Variants in LRCH2 observed in about 807,000 individuals in gnomAD.
LRCH2 encodes leucine-rich repeat and calponin homology domain-containing protein 2.
In LRCH2, 38 loss-of-function variants were observed where a neutral mutation model predicts 68.9. That is an observed-to-expected ratio of 0.55 (90% CI 0.43 to 0.72). The LOEUF is 0.72. LRCH2 is among the 30% of genes least tolerant of loss of function. The probability of loss-of-function intolerance (pLI) is 0.00; values close to 1 mark genes in which losing one functional copy is unlikely to be tolerated. For missense variants in LRCH2, 528 were observed against 572.9 expected, an observed-to-expected ratio of 0.92 and a Z score of 0.80; for synonymous variants, 191 against 208.1, an observed-to-expected ratio of 0.92 and a Z score of 0.71.
intron 14 of LRCH2, among the ~76,000 whole-genome samples, chrX:115,135,114 TTTTC>T (rs1273011641): frequency 2.1e-3 from 221 of 105,717 alleles, no homozygotes; most frequent in Non-Finnish European, 3.5e-3. Context: ...TTTCCTTTTC[TTTTC>T]TTTCTTTTTT....
chrX:115,125,664 T>G (rs2072193779), intron 16 of LRCH2, among the ~76,000 whole-genome samples: 1 of 95,329 alleles, frequency 1.0e-5, no homozygotes, highest in African/African-American at 3.8e-5. Flanking sequence ...CGTATATATA[T>G]ACGTATATAT....
chrX:115,164,212 T>C (rs2072541206), intron 10 of LRCH2, among the ~76,000 whole-genome samples: 1 of 111,718 alleles, frequency 9.0e-6, no homozygotes, highest in Non-Finnish European at 1.9e-5. Context: ...TGATTTTGAT[T>C]TTAAAAATCT....
chrX:115,156,172 A>G (rs2072473310), intron 12 of LRCH2, among the ~76,000 whole-genome samples: 1 of 111,798 alleles, frequency 8.9e-6, no homozygotes, highest in South Asian at 3.7e-4. Context: ...AGAAACTTTC[A>G]AGGTCTTCTA....
intron 11 of LRCH2, 60 bp from the exon 12 acceptor site, chrX:115,156,727 TA>T (rs1178631671): frequency 7.3e-5 from 53 of 726,197 alleles, no homozygotes; most frequent in East Asian, 6.5e-4. Context: ...TCACATGATA[TA>T]AAAAAAATCT....
chrX:115,182,306 T>C (rs1370292383), intron 3 of LRCH2, among the ~76,000 whole-genome samples: 1 of 111,807 alleles, frequency 8.9e-6, no homozygotes, highest in Non-Finnish European at 1.9e-5. Context: ...TCTTAAATTA[T>C]AACCTTTATA....
chrX:115,229,076 T>C (rs1200537137), intron 1 of LRCH2, among the ~76,000 whole-genome samples: 1 of 111,539 alleles, frequency 9.0e-6, no homozygotes, highest in Non-Finnish European at 1.9e-5. Context: ...GAATCTATTC[T>C]AAAACCATAA....
chrX:115,230,977 T>C (rs899307553), intron 1 of LRCH2, among the ~76,000 whole-genome samples: 16 of 110,951 alleles, frequency 1.4e-4, no homozygotes, highest in African/African-American at 5.2e-4. Flanking sequence ...AAAATCTCCC[T>C]TGCAATTGTA....
intron 1 of LRCH2, among the ~76,000 whole-genome samples, chrX:115,203,158 C>A (rs1416121733): frequency 3.6e-5 from 4 of 111,444 alleles, no homozygotes; most frequent in African/African-American, 1.3e-4. Flanking sequence ...GCAGGCAGGG[C>A]AGGGGAACTG....
At chrX:115,229,726 A>G (rs1051627721) in intron 1 of LRCH2, among the ~76,000 whole-genome samples, 1 of 111,848 alleles carries the variant, frequency 8.9e-6, no homozygotes, top group African/African-American at 3.2e-5. Context: ...CAAAATCACA[A>G]TCATGAGCTC....
chrX:115,123,071 C>G lies in LRCH2; in HGVS notation c.1962+9G>C, dbSNP rs782210539. The G allele has an allele frequency of 5.0e-6, 6 of 1,199,023 alleles. No individual in the cohort carries two copies. Among genetic ancestry groups the G allele is most frequent in the Non-Finnish European group, 6.8e-6 (6 of 886,166 alleles). On this transcript the variant is annotated intron_variant, in intron 18 of 20. Transcript: ENST00000317135. ...CACAAAGCAGATCTGAAAGAGCAAT[C>G]TGACTTACGTTGCGAAGTTGTCGTA... is the stretch of plus-strand genomic sequence containing the variant.
intron 15 of LRCH2, among the ~76,000 whole-genome samples, chrX:115,129,869 A>C (rs1369008726): frequency 9.0e-6 from 1 of 111,493 alleles, no homozygotes; most frequent in Non-Finnish European, 1.9e-5. Context: ...TAGAAAGATA[A>C]AAGATGTGAA....
intron 1 of LRCH2, among the ~76,000 whole-genome samples, chrX:115,224,411 A>G (rs2073105058): frequency 9.0e-6 from 1 of 111,653 alleles, no homozygotes; most frequent in Non-Finnish European, 1.9e-5. Flanking sequence ...GGCCAGGTGC[A>G]GTGGCTCACC....
intron 1 of LRCH2, chrX:115,190,723 G>C (rs782418327): frequency 8.6e-7 from 1 of 1,164,013 alleles, no homozygotes; most frequent in African/African-American, 1.8e-5. Context: ...GGAGTACCGA[G>C]GCCGCTCACA....
In LRCH2 at chrX:115,165,396, TG is replaced by T. The variant is rs782678521; in HGVS notation, c.1355+8del. The T allele has an allele frequency of 1.5e-5, 17 of 1,099,527 alleles. No homozygotes were observed. In the South Asian group the frequency reaches 3.5e-4, roughly 23 times the overall value. 90.6% of individuals were successfully genotyped at this position (1,099,527 alleles called of 1,213,427 possible). A position where few individuals can be genotyped will look rare whatever the true frequency, so the allele number is the denominator to read the frequency against. ...TTATAAATAACATTTCATTTTCATA[TG>T]TGCTTACCTTTTTTCATCTCCTAAT... On this transcript the variant is annotated splice_region_variant and intron_variant, in intron 10 of 20. Coordinates refer to ENST00000317135, the MANE Select transcript of LRCH2 (RefSeq NM_020871.4).
rs143008619 is a variant in LRCH2, at chrX:115,184,701, A to C, written c.495-164T>G. 4.3e-3 allele frequency among the ~76,000 whole-genome samples: 487 copies of C among 112,497 alleles called. 3 individuals are homozygous for C. Among genetic ancestry groups the C allele is most frequent in the Non-Finnish European group, 6.3e-3 (338 of 53,312 alleles). On this transcript the variant is annotated intron_variant, in intron 2 of 20. Transcript: ENST00000317135. ...TATCAGGCACAGTGTTAAATTTCTT[A>C]TATGCACTGTCTCATTTAATCCTCA... is the stretch of plus-strand genomic sequence containing the variant.
chrX:115,145,079 T>C (rs782424993), intron 14 of LRCH2, among the ~76,000 whole-genome samples: 7 of 111,686 alleles, frequency 6.3e-5, no homozygotes, highest in Non-Finnish European at 1.1e-4. Context: ...AACATCATGG[T>C]ACTTGCATAA....
chrX:115,230,279 G>A (rs1399680211), intron 1 of LRCH2, among the ~76,000 whole-genome samples: 2 of 110,869 alleles, frequency 1.8e-5, no homozygotes, highest in East Asian at 5.7e-4. Flanking sequence ...GTCCTTATGT[G>A]GGTGAAAATT....
At chrX:115,183,930 A>G (rs1233591026) in intron 3 of LRCH2, among the ~76,000 whole-genome samples, 1 of 112,088 alleles carries the variant, frequency 8.9e-6, no homozygotes, top group Non-Finnish European at 1.9e-5. Flanking sequence ...AATTGCATAT[A>G]ATGGCCTTTT....
chrX:115,124,453 C>A (rs782473810), intron 16 of LRCH2, among the ~76,000 whole-genome samples: 1 of 112,107 alleles, frequency 8.9e-6, no homozygotes, highest in South Asian at 3.7e-4. Context: ...TGATAAATAT[C>A]ATCTCTTCTA....
Sources: allele counts gnomAD v4.1 joint callset (sites outside exome capture counted in the v4.1 genomes callset), GRCh38; gene constraint gnomAD v4.1.1; transcripts MANE v1.5; gene names NCBI Gene and HGNC (gene_info 2026-07-23, HGNC 2026-07-21).